GAN: variants seen among roughly 807,000 people sequenced by gnomAD.
GAN encodes gigaxonin.
GAN carries 48 observed loss-of-function variants against 71.3 expected under a neutral mutation model. The ratio of observed to expected loss-of-function variants is 0.67; its 90% CI spans 0.53 to 0.86. The LOEUF (loss-of-function observed/expected upper bound fraction) is 0.86, where lower values mean the gene tolerates loss of function less well. GAN is among the 40% of genes least tolerant of loss of function. The pLI, the probability that GAN is intolerant of heterozygous loss-of-function variation, is 0.00. For missense variants in GAN, 928 were observed against 770.1 expected (o/e 1.21, Z -2.43); for synonymous variants, 386 against 276.8 (o/e 1.39, Z -3.92).
Position 81,384,300 on chromosome 16 carries a change from T to TAAAAAAAAAAAAAAA in GAN, c.*6706_*6720dup, listed in dbSNP as rs59504477. On this transcript the variant is annotated 3_prime_UTR_variant, in exon 11 of 11. Coordinates refer to ENST00000648994, the MANE Select transcript of GAN (RefSeq NM_022041.4). ...AAGGCCTGTTTTCCATTTTACTACT[T>TAAAAAAAAAAAAAAA]AAAAAAAAAAAAAAAAGAAAAGAAA... 8.1e-6 allele frequency: 1 copy of TAAAAAAAAAAAAAAA among 123,682 alleles called. No individual in the cohort carries two copies. Among genetic ancestry groups the TAAAAAAAAAAAAAAA allele is most frequent in the Non-Finnish European group, 1.8e-5 (1 of 56,970 alleles). The allele number at this position is 123,682 out of a possible 1,614,324, so 7.7% of individuals were successfully genotyped here. A position where few individuals can be genotyped will look rare whatever the true frequency, so the allele number is the denominator to read the frequency against.
In GAN at chr16:81,368,207, C is replaced by T. The variant is rs1426628112; in HGVS notation, c.1502+2729C>T. Among the ~76,000 whole-genome samples, 4 of 152,192 alleles carry T rather than the reference C, an allele frequency of 2.6e-5. No homozygotes were observed. The South Asian group carries it at 6.2e-4, about 24-fold the overall frequency. ...ATAAAGTATTACCAAGCCAGAGCAACAGCTTCATATACCCAGAATGACGGT... is the reference window on the plus strand; with the variant it reads ...ATAAAGTATTACCAAGCCAGAGCAATAGCTTCATATACCCAGAATGACGGT... On this transcript the variant is annotated intron_variant, in intron 9 of 10. Transcript: ENST00000648994.
At chr16:81,332,214 G>T (rs1341474920) in intron 1 of GAN, among the ~76,000 whole-genome samples, 2 of 151,826 alleles carry the variant, frequency 1.3e-5, no homozygotes, top group African/African-American at 4.8e-5. Flanking sequence ...TGCTAGAGAA[G>T]CTTTCAGGAA....
intron 1 of GAN, among the ~76,000 whole-genome samples, chr16:81,318,126 T>C (rs985482081): frequency 1.3e-5 from 2 of 152,258 alleles, no homozygotes; most frequent in African/African-American, 4.8e-5. Flanking sequence ...ACTTGTTTGT[T>C]TGAATAGCAC....
intron 4 of GAN, 118 bp from the exon 5 acceptor site, chr16:81,357,692 A>C: frequency 4.0e-6 from 4 of 992,784 alleles, no homozygotes; most frequent in Non-Finnish European, 6.4e-6. Flanking sequence ...ACTGACTTCC[A>C]CAAGGGTTTT....
At chr16:81,317,286 C>T (rs1202517608) in intron 1 of GAN, among the ~76,000 whole-genome samples, 2 of 152,238 alleles carry the variant, frequency 1.3e-5, no homozygotes, top group Non-Finnish European at 2.9e-5. Context: ...TTGGCACCAT[C>T]ACATTTTCAT....
Position 81,379,314 on chromosome 16 carries a change from A to T in GAN, c.*1718A>T, listed in dbSNP as rs1008691076. The T allele has an allele frequency of 6.6e-6, 1 of 152,142 alleles. No homozygotes were observed. Among genetic ancestry groups the T allele is most frequent in the East Asian group, 1.9e-4 (1 of 5,196 alleles). The allele number at this position is 152,142 out of a possible 1,614,324, so 9.4% of individuals were successfully genotyped here. A position where few individuals can be genotyped will look rare whatever the true frequency, so the allele number is the denominator to read the frequency against. On this transcript the variant is annotated 3_prime_UTR_variant, in exon 11 of 11. Coordinates refer to ENST00000648994, the MANE Select transcript of GAN (RefSeq NM_022041.4). ...AAAGTTGCTGAAAGATGCTGTGCCT[A>T]TGGGGTTCTAGAGAGTGTTGAGTGT...
chr16:81,334,795 C>T (rs1023726105), intron 1 of GAN, among the ~76,000 whole-genome samples: 6 of 152,180 alleles, frequency 3.9e-5, no homozygotes, highest in African/African-American at 1.2e-4. Context: ...GGTCGTTTGA[C>T]TTCAGAACCA....
chr16:81,334,390 C>G (rs1182023311), intron 1 of GAN, among the ~76,000 whole-genome samples: 1 of 152,164 alleles, frequency 6.6e-6, no homozygotes, highest in East Asian at 1.9e-4. Context: ...GATGAAGACA[C>G]CTGGAAAGTA....
rs185310636 is a variant in GAN, at chr16:81,342,241, A to C, written c.168-9342A>C. 1.9e-3 allele frequency among the ~76,000 whole-genome samples: 284 copies of C among 152,344 alleles called. 1 individual carries two copies. The highest frequency in any genetic ancestry group is 3.1e-3 in the Non-Finnish European group (213 of 68,036). On this transcript the variant is annotated intron_variant, in intron 1 of 10. Transcript: ENST00000648994. ...CAGATGAATGAGACAGAAAATTAAT[A>C]AGGGTATGCAGAACTTGAACTCAGC...
chr16:81,360,142 T>C (rs1308467282), intron 5 of GAN, among the ~76,000 whole-genome samples: 1 of 152,168 alleles, frequency 6.6e-6, no homozygotes, highest in Admixed American at 6.5e-5. Flanking sequence ...AGTGTTCATT[T>C]AGATTTGCCA....
At chr16:81,326,961 A>G (rs1170325616) in intron 1 of GAN, among the ~76,000 whole-genome samples, 1 of 152,240 alleles carries the variant, frequency 6.6e-6, no homozygotes, top group Non-Finnish European at 1.5e-5. Context: ...ACATCCAAGT[A>G]AGGTTGAACT....
chr16:81,335,746 CAAA>C (rs55948723), intron 1 of GAN, among the ~76,000 whole-genome samples: 1 of 103,480 alleles, frequency 9.7e-6, no homozygotes, highest in African/African-American at 3.8e-5. Context: ...GACTCAGTCT[CAAA>C]AAAAAAAAAA....
At chr16:81,318,873 C>T (rs1287565412) in intron 1 of GAN, among the ~76,000 whole-genome samples, 1 of 152,158 alleles carries the variant, frequency 6.6e-6, no homozygotes, top group Non-Finnish European at 1.5e-5. Context: ...TGCAGCTGCT[C>T]CAGGAAGGAG....
rs1459647048 is a variant in GAN at position 81,382,242 on chromosome 16, A to T, written c.*4646A>T. ...GCAGAAGCCAGGTCTTTGGATTATC[A>T]GCTCACCAGTCAGCCAGTGAGGCTG... On this transcript the variant is annotated 3_prime_UTR_variant, in exon 11 of 11. Coordinates refer to ENST00000648994, the MANE Select transcript of GAN (RefSeq NM_022041.4). 1.3e-5 allele frequency: 2 copies of T among 152,176 alleles called. No individual in the cohort carries two copies. Among genetic ancestry groups the T allele is most frequent in the Non-Finnish European group, 2.9e-5 (2 of 68,036 alleles). The allele number at this position is 152,176 out of a possible 1,614,324, so 9.4% of individuals were successfully genotyped here. A position where few individuals can be genotyped will look rare whatever the true frequency, so the allele number is the denominator to read the frequency against.
In GAN at chr16:81,386,080, T is replaced by C. The variant is rs1394175751; in HGVS notation, c.*8484T>C. ...TTGCTTTCTAGACCCATATCACCTC[T>C]CTCCATCTACATCTCTAGTATTTAA... On this transcript the variant is annotated 3_prime_UTR_variant, in exon 11 of 11. Transcript: ENST00000648994. 4 of 152,158 alleles carry C rather than the reference T, an allele frequency of 2.6e-5. No individual in the cohort carries two copies. The highest frequency in any genetic ancestry group is 9.7e-5 in the African/African-American group (4 of 41,428). The allele number at this position is 152,158 out of a possible 1,614,324, so 9.4% of individuals were successfully genotyped here.
At chr16:81,359,179 C>T (rs1910588403) in intron 5 of GAN, among the ~76,000 whole-genome samples, 2 of 144,188 alleles carry the variant, frequency 1.4e-5, no homozygotes. Context: ...GTTGCATCTT[C>T]TCAGAATTAG....
At chr16:81,337,709 A>G (rs1909810035) in intron 1 of GAN, among the ~76,000 whole-genome samples, 1 of 152,356 alleles carries the variant, frequency 6.6e-6, no homozygotes, top group East Asian at 1.9e-4. Context: ...CTAGTAGCCA[A>G]CGACTTTTCT....
chr16:81,365,282 G>C (rs1409437860), intron 8 of GAN, 68 bp from the exon 9 acceptor site: 3 of 1,606,734 alleles, frequency 1.9e-6, no homozygotes, highest in East Asian at 2.2e-5. Context: ...ACCAGCATAA[G>C]AGGAACGCGG....
At chr16:81,338,841 C>T (rs567135269) in intron 1 of GAN, among the ~76,000 whole-genome samples, 1 of 152,178 alleles carries the variant, frequency 6.6e-6, no homozygotes, top group Non-Finnish European at 1.5e-5. Flanking sequence ...AAGGGAGGCC[C>T]TTTGAGAGGC....
Sources: allele counts gnomAD v4.1 joint callset (sites outside exome capture counted in the v4.1 genomes callset), GRCh38; gene constraint gnomAD v4.1.1; transcripts MANE v1.5; gene names NCBI Gene and HGNC (gene_info 2026-07-23, HGNC 2026-07-21).